DPYD: variants seen among roughly 807,000 people sequenced by gnomAD.
The protein encoded by DPYD is dihydropyrimidine dehydrogenase.
A neutral mutation model predicts 116.2 loss-of-function variants in DPYD; 109 were observed. The ratio of observed to expected loss-of-function variants is 0.94; its 90% confidence interval spans 0.80 to 1.10. The LOEUF is 1.10. DPYD is among the 50% of genes least tolerant of loss of function. The pLI is 0.00. For missense variants in DPYD, 1,302 were observed against 1,254.5 expected (o/e 1.04, Z -0.57); for synonymous variants, 440 against 432.0 (o/e 1.02, Z -0.23).
At chr1:97,743,226 C>G (rs905688083) in intron 3 of DPYD, among the ~76,000 whole-genome samples, 17 of 152,050 alleles carry the variant, frequency 1.1e-4, no homozygotes, top group African/African-American at 3.9e-4. Flanking sequence ...GAGGCAGGGC[C>G]ACGCAAACCT....
intron 12 of DPYD, among the ~76,000 whole-genome samples, chr1:97,539,135 T>C (rs1255000827): frequency 2.0e-5 from 3 of 152,198 alleles, no homozygotes; most frequent in Non-Finnish European, 4.4e-5. Flanking sequence ...TTATTGTTGT[T>C]GAAGGTTGAC....
At chr1:97,354,961 A>G (rs1396583262) in intron 16 of DPYD, among the ~76,000 whole-genome samples, 3 of 152,140 alleles carry the variant, frequency 2.0e-5, no homozygotes, top group African/African-American at 7.2e-5. Context: ...TTCCCCCTCA[A>G]AGTTGATTGA....
At chr1:97,875,542 T>C (rs1671869952) in intron 2 of DPYD, among the ~76,000 whole-genome samples, 2 of 152,010 alleles carry the variant, frequency 1.3e-5, no homozygotes, top group Non-Finnish European at 2.9e-5. Context: ...AAATACCTGT[T>C]GTATGTCAGA....
intron 8 of DPYD, among the ~76,000 whole-genome samples, chr1:97,674,716 T>C (rs1019991753): frequency 6.6e-6 from 1 of 151,992 alleles, no homozygotes; most frequent in Non-Finnish European, 1.5e-5. Flanking sequence ...TACGTCCCAC[T>C]CCTGAAATTG....
chr1:97,589,621 T>C (rs539668554), intron 10 of DPYD, among the ~76,000 whole-genome samples: 1 of 152,320 alleles, frequency 6.6e-6, no homozygotes, highest in African/African-American at 2.4e-5. Flanking sequence ...TAATAAACCA[T>C]GTTAAATGTA....
At chr1:97,735,493 A>G (rs1255726529) in intron 4 of DPYD, among the ~76,000 whole-genome samples, 2 of 149,330 alleles carry the variant, frequency 1.3e-5, no homozygotes, top group African/African-American at 4.9e-5. Flanking sequence ...TAGCTAACAC[A>G]GTGAAACCCT....
intron 21 of DPYD, among the ~76,000 whole-genome samples, chr1:97,093,277 T>G (rs1311707314): frequency 6.6e-6 from 1 of 152,202 alleles, no homozygotes; most frequent in African/African-American, 2.4e-5. Context: ...CAATTCCTAG[T>G]GCATTGCTTA....
At chr1:97,547,029 T>C (rs965920394) in intron 12 of DPYD, 3 of 1,369,644 alleles carry the variant, frequency 2.2e-6, no homozygotes, top group Non-Finnish European at 3.1e-6. Flanking sequence ...TGGAAGTTTA[T>C]CATAAACCAG....
At chr1:97,445,274 C>T (rs1266482357) in intron 14 of DPYD, among the ~76,000 whole-genome samples, 2 of 152,210 alleles carry the variant, frequency 1.3e-5, no homozygotes, top group Non-Finnish European at 2.9e-5. Context: ...AGAGGCTGTG[C>T]ACTGAGTGCC....
At chr1:97,097,833 T>C (rs181751441) in intron 21 of DPYD, among the ~76,000 whole-genome samples, 18 of 152,270 alleles carry the variant, frequency 1.2e-4, no homozygotes, top group Non-Finnish European at 2.2e-4. Context: ...TATCATACTA[T>C]AGTTTTGCAA....
intron 18 of DPYD, among the ~76,000 whole-genome samples, chr1:97,267,050 TGGGA>T (rs1664282441): frequency 6.6e-6 from 1 of 152,154 alleles, no homozygotes; most frequent in Non-Finnish European, 1.5e-5. Context: ...TACCCCGTAA[TGGGA>T]TCACTGGGTC....
rs548853345 is a variant in DPYD, at chr1:97,337,159, T to C, written c.2059-30862A>G. ...ATCAAAGCAATTTTTATCATGCATGTAGGAGAATGGGAATGGACCATGAAG... is the reference window on the plus strand; with the variant it reads ...ATCAAAGCAATTTTTATCATGCATGCAGGAGAATGGGAATGGACCATGAAG... On this transcript the variant is annotated intron_variant, in intron 16 of 22. Coordinates refer to ENST00000370192, the MANE Select transcript of DPYD (RefSeq NM_000110.4). Among the ~76,000 whole-genome samples the C allele has an allele frequency of 5.3e-5, 8 of 152,172 alleles. No homozygotes were observed. The South Asian group carries it at 1.2e-3, about 24-fold the overall frequency.
chr1:97,264,103 C>T (rs1300384344), intron 18 of DPYD, among the ~76,000 whole-genome samples: 4 of 132,878 alleles, frequency 3.0e-5, no homozygotes, highest in Non-Finnish European at 6.2e-5. Flanking sequence ...GATCTAGATT[C>T]TTTTGGTTAC....
chr1:97,286,928 T>A (rs1013927558), intron 18 of DPYD, among the ~76,000 whole-genome samples: 4 of 152,240 alleles, frequency 2.6e-5, no homozygotes, highest in African/African-American at 9.6e-5. Flanking sequence ...CTCGTCAAAG[T>A]CATTCTCTGC....
chr1:97,120,137 C>A (rs1457199316), intron 20 of DPYD, among the ~76,000 whole-genome samples: 1 of 152,178 alleles, frequency 6.6e-6, no homozygotes, highest in Non-Finnish European at 1.5e-5. Flanking sequence ...TTAGCTCCTT[C>A]TTTGTCTGGG....
intron 2 of DPYD, among the ~76,000 whole-genome samples, chr1:97,872,859 T>G (rs1453794441): frequency 1.3e-5 from 2 of 151,922 alleles, no homozygotes; most frequent in Admixed American, 1.3e-4. Flanking sequence ...GTCTACGACT[T>G]CAGCCATGCA....
At chr1:97,770,551 A>G (rs1666086312) in intron 3 of DPYD, among the ~76,000 whole-genome samples, 1 of 152,222 alleles carries the variant, frequency 6.6e-6, no homozygotes, top group Admixed American at 6.5e-5. Flanking sequence ...TAATAACTGT[A>G]GTGACTAACA....
chr1:97,705,802 C>T (rs1366362498), intron 5 of DPYD, among the ~76,000 whole-genome samples: 1 of 152,028 alleles, frequency 6.6e-6, no homozygotes, highest in Non-Finnish European at 1.5e-5. Context: ...CCTGTTGTTT[C>T]CTGACTTTTT....
At chr1:97,684,074 T>C (rs1352383069) in intron 7 of DPYD, among the ~76,000 whole-genome samples, 5 of 152,196 alleles carry the variant, frequency 3.3e-5, no homozygotes, top group Admixed American at 3.3e-4. Context: ...TGTCTTCTGC[T>C]AGCTTTGTGG....
Sources: allele counts gnomAD v4.1 joint callset (sites outside exome capture counted in the v4.1 genomes callset), GRCh38; gene constraint gnomAD v4.1.1; transcripts MANE v1.5; gene names NCBI Gene and HGNC (gene_info 2026-07-23, HGNC 2026-07-21).